Variants in FN3KRP observed in about 807,000 individuals in gnomAD.
FN3KRP encodes the protein fructosamine 3 kinase related protein.
A neutral mutation model predicts 29.8 loss-of-function variants in FN3KRP; 33 were observed. The observed-to-expected ratio is 1.11, with a 90% CI of 0.84 to 1.48. The LOEUF is 1.48. Among genes scored for constraint, FN3KRP ranks in the 40% most tolerant of loss-of-function variants. FN3KRP has a pLI of 0.00. For missense variants in FN3KRP, 430 were observed against 402.6 expected, an observed-to-expected ratio of 1.07 and a Z score of -0.58; for synonymous variants, 157 against 155.2, an observed-to-expected ratio of 1.01 and a Z score of -0.09.
At chr17:82,721,129 C>T (rs931416543) in intron 3 of FN3KRP, among the ~76,000 whole-genome samples, 1 of 152,124 alleles carries the variant, frequency 6.6e-6, no homozygotes, top group African/African-American at 2.4e-5. Flanking sequence ...CTCTTGTCCC[C>T]CAGGCTGGAG....
intron 1 of FN3KRP, chr17:82,718,684 C>A: frequency 1.6e-6 from 2 of 1,261,822 alleles, no homozygotes; most frequent in Non-Finnish European, 2.1e-6. Context: ...AAGTGTAGTC[C>A]AACACTGGAA....
Position 82,727,095 on chromosome 17 carries a change from A to G in FN3KRP, c.854A>G (p.Tyr285Cys), listed in dbSNP as rs372015126. ...KRLQLYQLFH[Y>C]LNHWNHFGSG... ...CTTCAGTTGTATCAGCTCTTTCACT[A>G]CTTGAACCACTGGAATCATTTTGGA... Residue 285 changes from tyrosine to cysteine, a missense_variant, in exon 6 of 6, where the codon TAC (tyrosine) becomes TGC (cysteine). By Grantham distance (194) the Tyr-to-Cys change is radical. Coordinates refer to ENST00000269373, the MANE Select transcript of FN3KRP (RefSeq NM_024619.4). 2.5e-5 allele frequency: 40 copies of G among 1,613,858 alleles called. No individual in the cohort carries two copies. The African/African-American group carries it at 3.3e-4, about 13-fold the overall frequency.
intron 2 of FN3KRP, among the ~76,000 whole-genome samples, chr17:82,719,481 G>A (rs529479311): frequency 4.1e-4 from 62 of 152,362 alleles, no homozygotes; most frequent in African/African-American, 1.2e-3. Context: ...CACGCCGGCC[G>A]CGGTGGCTCA....
intron 4 of FN3KRP, among the ~76,000 whole-genome samples, chr17:82,725,156 C>G (rs564715273): frequency 3.1e-3 from 474 of 152,110 alleles, no homozygotes; most frequent in Non-Finnish European, 5.1e-3. Flanking sequence ...AAGATAGAGT[C>G]TCTCTCTGTT....
At position 82,726,601 on chromosome 17, in the gene FN3KRP, A is replaced by G. The variant is rs1279292286; in HGVS notation, c.590A>G (p.Gln197Arg). ...REALQLWSALQLKIPDLFRDL... is the reference protein window; with the variant it reads ...REALQLWSALRLKIPDLFRDL... Reference sequence around the variant, plus strand: ...GCCCTCCAGCTTTGGTCTGCTCTGCAGGTGAGTGGGGCCCCACTGCATGCC... The same window carrying G: ...GCCCTCCAGCTTTGGTCTGCTCTGCGGGTGAGTGGGGCCCCACTGCATGCC... Residue 197 changes from glutamine (Q) to arginine (R), a missense_variant and splice_region_variant, in exon 5 of 6, where the codon CAG becomes CGG. Transcript: ENST00000269373. 16 of 1,611,014 alleles carry G rather than the reference A, an allele frequency of 9.9e-6. No homozygotes were observed. The highest frequency in any genetic ancestry group is 5.0e-5 in the Admixed American group (3 of 59,506).
Position 82,727,704 on chromosome 17 carries a change from C to A in FN3KRP, c.*533C>A, listed in dbSNP as rs184357380. On this transcript the variant is annotated 3_prime_UTR_variant, in exon 6 of 6. Coordinates refer to ENST00000269373, the MANE Select transcript of FN3KRP (RefSeq NM_024619.4). The stretch of plus-strand genomic sequence containing the variant: ...GAATCAAGCGTATTCCGTTTTCTTC[C>A]TGCATGATCCCTGGGCCCTCCCGCA... 1 of 145,906 alleles carries A rather than the reference C, an allele frequency of 6.9e-6. No homozygotes were observed. Among genetic ancestry groups the A allele is most frequent in the African/African-American group, 2.7e-5 (1 of 36,740 alleles). The allele number at this position is 145,906 out of a possible 1,614,324, so 9.0% of individuals were successfully genotyped here.
chr17:82,718,834 C>A, intron 1 of FN3KRP, 72 bp from the exon 2 acceptor site: 1 of 1,531,702 alleles, frequency 6.5e-7, no homozygotes, highest in Non-Finnish European at 8.9e-7. Context: ...TAGAGGAAAA[C>A]ATATCTACAG....
intron 4 of FN3KRP, 71 bp downstream of exon 4, chr17:82,722,957 A>G: frequency 7.6e-7 from 1 of 1,323,888 alleles, no homozygotes. Flanking sequence ...GGGGGGACAC[A>G]CCCCCCTCCT....
chr17:82,726,638 A>G (rs2046839650), intron 5 of FN3KRP, 36 bp downstream of exon 5: 3 of 1,590,424 alleles, frequency 1.9e-6, no homozygotes, highest in South Asian at 2.3e-5. Context: ...AGCACCTGCC[A>G]CACACCCCAC....
chr17:82,716,897 G>A lies in FN3KRP; in HGVS notation c.141+1G>A, dbSNP rs758933598. 33 of 1,565,692 alleles carry A rather than the reference G, an allele frequency of 2.1e-5. No homozygotes were observed. The highest frequency in any genetic ancestry group is 2.7e-5 in the Non-Finnish European group (31 of 1,160,266). ...CGTGAAAGTGAACCCCAAGGCGGAG[G>A]TCAGGCAGCGGGTCGGGCGGGCCGG... On this transcript the variant is annotated splice_donor_variant, in intron 1 of 5. Coordinates refer to ENST00000269373, the MANE Select transcript of FN3KRP (RefSeq NM_024619.4). LOFTEE classifies it high-confidence loss of function.
intron 4 of FN3KRP, 96 bp from the exon 5 acceptor site, chr17:82,726,384 T>A: frequency 6.6e-7 from 1 of 1,504,894 alleles, no homozygotes; most frequent in Non-Finnish European, 9.0e-7. Context: ...GTGCCGCTCC[T>A]GCAGCCCTCT....
Position 82,716,772 on chromosome 17 carries a change from G to A in FN3KRP, c.17G>A (p.Arg6Lys), listed in dbSNP as rs758945172. MEELL[R>K]RELGCSSVRA... is the part of the protein sequence containing the mutation. ...GGCGGGAACATGGAGGAGCTCCTGA[G>A]GCGCGAGCTGGGCTGCAGCTCTGTC... Residue 6 changes from arginine to lysine, a missense_variant, in exon 1 of 6, where the codon AGG becomes AAG. By Grantham distance (26) the Arg-to-Lys change is conservative. Coordinates refer to ENST00000269373, the MANE Select transcript of FN3KRP (RefSeq NM_024619.4). The A allele has an allele frequency of 2.0e-6, 3 of 1,529,258 alleles. No homozygotes were observed. The East Asian group carries it at 8.1e-5, about 41-fold the overall frequency. 94.7% of individuals were successfully genotyped at this position (1,529,258 alleles called of 1,614,324 possible).
intron 4 of FN3KRP, among the ~76,000 whole-genome samples, chr17:82,723,835 G>A (rs1436112910): frequency 6.6e-6 from 1 of 152,018 alleles, no homozygotes; most frequent in African/African-American, 2.4e-5. Flanking sequence ...GGCTCCATGT[G>A]ACTTTTCCTG....
chr17:82,722,690 G>A, intron 3 of FN3KRP, 114 bp from the exon 4 acceptor site: 1 of 920,950 alleles, frequency 1.1e-6, no homozygotes, highest in South Asian at 1.6e-5. Context: ...GTCTCTGGCA[G>A]GGGCATAAGC....
chr17:82,721,488 C>G (rs1767276305), intron 3 of FN3KRP, among the ~76,000 whole-genome samples: 4 of 151,992 alleles, frequency 2.6e-5, no homozygotes, highest in African/African-American at 4.8e-5. Context: ...ATTCTTTTTC[C>G]TCTTTATTTA....
In FN3KRP at chr17:82,718,893, A is replaced by AT. The variant is rs745327811; in HGVS notation, c.142-8dup. ...TCCCTGTATTTCCACTTCCTCTCGT[A>AT]TTTTTCTGACAGGCCAGAAGAATGT... On this transcript the variant is annotated splice_polypyrimidine_tract_variant and intron_variant, in intron 1 of 5. Coordinates refer to ENST00000269373, the MANE Select transcript of FN3KRP (RefSeq NM_024619.4). 6.0e-5 allele frequency: 97 copies of AT among 1,610,426 alleles called. No individual in the cohort carries two copies. Among genetic ancestry groups the AT allele is most frequent in the Non-Finnish European group, 7.8e-5 (92 of 1,177,056 alleles).
In FN3KRP at chr17:82,720,229, T is replaced by C. The variant is rs947900125; in HGVS notation, c.294-43T>C. 4 of 1,529,770 alleles carry C rather than the reference T, an allele frequency of 2.6e-6. No homozygotes were observed. The African/African-American group carries it at 4.1e-5, about 16-fold the overall frequency. 94.8% of individuals were successfully genotyped at this position (1,529,770 alleles called of 1,614,324 possible). A position where few individuals can be genotyped will look rare whatever the true frequency, so the allele number is the denominator to read the frequency against. On this transcript the variant is annotated intron_variant, in intron 2 of 5. Transcript: ENST00000269373. ...AGACTGAGCAGTGGGTGTGTTGCCA[T>C]TCTGTGTGTCATCTGTTTAGTTGCT...
Position 82,726,620 on chromosome 17 carries a change from G to A in FN3KRP, c.591+18G>A. ...CTCTGCAGGTGAGTGGGGCCCCACT[G>A]CATGCCCAGCACCTGCCACACACCC... is the stretch of plus-strand genomic sequence containing the variant. On this transcript the variant is annotated intron_variant, in intron 5 of 5. Coordinates refer to ENST00000269373, the MANE Select transcript of FN3KRP (RefSeq NM_024619.4). 1 of 1,603,026 alleles carries A rather than the reference G, an allele frequency of 6.2e-7. No homozygotes were observed. The highest frequency in any genetic ancestry group is 1.3e-5 in the African/African-American group (1 of 74,850).
At position 82,722,156 on chromosome 17, in the gene FN3KRP, C is replaced by T. The variant is rs534194760; in HGVS notation, c.386-648C>T. Among the ~76,000 whole-genome samples, 76 of 132,406 alleles carry T rather than the reference C, an allele frequency of 5.7e-4. No homozygotes were observed. In the East Asian group the frequency reaches 0.011, roughly 19 times the overall value. The allele number at this position is 132,406 out of a possible 152,430, so 86.9% of individuals were successfully genotyped here. A position where few individuals can be genotyped will look rare whatever the true frequency, so the allele number is the denominator to read the frequency against. ...GCCATTTTTATGGTTTTTTTTGAGA[C>T]GGAGTTTCACTCTCGTTGCCCAGGC... On this transcript the variant is annotated intron_variant, in intron 3 of 5. Coordinates refer to ENST00000269373, the MANE Select transcript of FN3KRP (RefSeq NM_024619.4).
Sources: gnomAD v4.1 joint callset for allele counts (sites outside exome capture counted in the v4.1 genomes callset) on GRCh38, gnomAD v4.1.1 for gene constraint, MANE v1.5 for transcripts, NCBI Gene and HGNC (gene_info 2026-07-23, HGNC 2026-07-21) for gene names.